ULK4: variants seen among roughly 807,000 people sequenced by gnomAD.
ULK4 encodes the protein inactive serine/threonine-protein kinase ULK4.
In ULK4, 133 loss-of-function variants were observed where a neutral mutation model predicts 160.6. The ratio of observed to expected loss-of-function variants is 0.83; its 90% CI spans 0.72 to 0.96. ULK4 has a LOEUF of 0.96. Among genes scored for constraint, ULK4 ranks in the 40% least tolerant of loss-of-function variants. The pLI is 0.00. For missense variants in ULK4, 1,580 were observed against 1,499.5 expected (o/e 1.05, Z -0.89); for synonymous variants, 534 against 539.8 (o/e 0.99, Z 0.15).
chr3:41,563,052 C>G (rs2125597416), intron 32 of ULK4, among the ~76,000 whole-genome samples: 1 of 152,272 alleles, frequency 6.6e-6, no homozygotes, highest in East Asian at 1.9e-4. Flanking sequence ...GTAAGGCAAG[C>G]CTGGTGGTGA....
intron 18 of ULK4, among the ~76,000 whole-genome samples, chr3:41,821,420 A>T (rs1240133589): frequency 6.6e-6 from 1 of 151,762 alleles, no homozygotes; most frequent in Non-Finnish European, 1.5e-5. Context: ...CACTTCACCT[A>T]CTCTCCTCCT....
intron 33 of ULK4, among the ~76,000 whole-genome samples, chr3:41,458,857 G>T (rs1384833077): frequency 1.3e-5 from 2 of 150,690 alleles, no homozygotes; most frequent in Admixed American, 6.6e-5. Flanking sequence ...CTGGGTTCAA[G>T]CAATTCCCCT....
chr3:41,247,404 T>C (rs558231516), intron 36 of ULK4, among the ~76,000 whole-genome samples: 14 of 152,178 alleles, frequency 9.2e-5, no homozygotes, highest in African/African-American at 3.4e-4. Context: ...AGCCAGGAGC[T>C]TTCTTACTCT....
intron 29 of ULK4, among the ~76,000 whole-genome samples, chr3:41,677,482 C>G (rs868181236): frequency 2.0e-5 from 3 of 151,978 alleles, no homozygotes; most frequent in Non-Finnish European, 4.4e-5. Context: ...CAGGTGCCTG[C>G]CATCACACCC....
At chr3:41,771,561 A>G (rs939624126) in intron 21 of ULK4, among the ~76,000 whole-genome samples, 1 of 152,170 alleles carries the variant, frequency 6.6e-6, no homozygotes, top group Non-Finnish European at 1.5e-5. Context: ...ACAACAAAAA[A>G]TCATGAATAT....
At chr3:41,520,398 T>C (rs1319092087) in intron 32 of ULK4, among the ~76,000 whole-genome samples, 1 of 152,248 alleles carries the variant, frequency 6.6e-6, no homozygotes, top group East Asian at 1.9e-4. Context: ...CTTTAATTCC[T>C]TTTTATGGCT....
intron 32 of ULK4, among the ~76,000 whole-genome samples, chr3:41,525,699 A>T (rs916117444): frequency 3.3e-5 from 5 of 152,202 alleles, no homozygotes. Context: ...GTCATTTTGT[A>T]TCTGTATTTC....
chr3:41,554,562 T>C (rs1409855575), intron 32 of ULK4, among the ~76,000 whole-genome samples: 1 of 152,144 alleles, frequency 6.6e-6, no homozygotes, highest in Non-Finnish European at 1.5e-5. Flanking sequence ...GGGTAAGTGT[T>C]GGTAGGCGGG....
At chr3:41,747,693 T>A (rs2038464736) in intron 22 of ULK4, among the ~76,000 whole-genome samples, 1 of 151,966 alleles carries the variant, frequency 6.6e-6, no homozygotes, top group Non-Finnish European at 1.5e-5. Context: ...GGGCACCTAA[T>A]CCAGCAGCAA....
At chr3:41,745,510 A>T (rs1256430562) in intron 22 of ULK4, among the ~76,000 whole-genome samples, 1 of 151,776 alleles carries the variant, frequency 6.6e-6, no homozygotes, top group East Asian at 1.9e-4. Context: ...TGTAATTTAA[A>T]AGTTCCCGAA....
At position 41,789,643 on chromosome 3, in the gene ULK4, G is replaced by A. The variant is rs776770530; in HGVS notation, c.2193+18C>T. ...AACAATTTTTAATGTAGAGTAACAG[G>A]TAAAATCTAAGTCAAACCTTTTCTT... On this transcript the variant is annotated intron_variant, in intron 21 of 36. Coordinates refer to ENST00000301831, the MANE Select transcript of ULK4 (RefSeq NM_017886.4). 2 of 1,546,564 alleles carry A rather than the reference G, an allele frequency of 1.3e-6. No homozygotes were observed. Among genetic ancestry groups the A allele is most frequent in the Non-Finnish European group, 1.7e-6 (2 of 1,147,210 alleles).
chr3:41,918,343 T>G, intron 7 of ULK4, 114 bp downstream of exon 7: 1 of 629,718 alleles, frequency 1.6e-6, no homozygotes, highest in Non-Finnish European at 2.6e-6. Flanking sequence ...TTGGGATCAT[T>G]TATAAAAGAT....
At chr3:41,474,896 T>C (rs1285128450) in intron 32 of ULK4, among the ~76,000 whole-genome samples, 1 of 151,276 alleles carries the variant, frequency 6.6e-6, no homozygotes, top group Non-Finnish European at 1.5e-5. Context: ...TGGTGAAATG[T>C]AAATTAGTAT....
At chr3:41,930,321 T>G (rs779271788) in intron 5 of ULK4, among the ~76,000 whole-genome samples, 2 of 151,940 alleles carry the variant, frequency 1.3e-5, no homozygotes, top group African/African-American at 2.4e-5. Flanking sequence ...TTCCTTATAC[T>G]CTATACAAAA....
intron 32 of ULK4, among the ~76,000 whole-genome samples, chr3:41,473,474 C>G (rs1035779678): frequency 7.3e-5 from 11 of 151,682 alleles, no homozygotes; most frequent in African/African-American, 2.7e-4. Context: ...CCAGCCTGGC[C>G]AACATGGTGA....
intron 35 of ULK4, among the ~76,000 whole-genome samples, chr3:41,301,157 C>A (rs555221225): frequency 1.1e-4 from 16 of 151,986 alleles, no homozygotes; most frequent in African/African-American, 3.6e-4. Context: ...ATCCACACTG[C>A]CTGCTGCCTT....
At chr3:41,259,022 CTA>C (rs571278847) in intron 35 of ULK4, among the ~76,000 whole-genome samples, 19 of 146,092 alleles carry the variant, frequency 1.3e-4, no homozygotes, top group African/African-American at 3.8e-4. Context: ...ATATACATAT[CTA>C]TGTGTATATA....
chr3:41,416,596 C>T (rs1575532592), intron 34 of ULK4, among the ~76,000 whole-genome samples: 1 of 152,096 alleles, frequency 6.6e-6, no homozygotes, highest in African/African-American at 2.4e-5. Flanking sequence ...ATAGGCAATA[C>T]TTAGTGATAC....
intron 35 of ULK4, among the ~76,000 whole-genome samples, chr3:41,390,722 G>C (rs2081938744): frequency 6.6e-6 from 1 of 152,126 alleles, no homozygotes; most frequent in Non-Finnish European, 1.5e-5. Context: ...TTTCACTGTG[G>C]TCTGAGAGAC....
Sources: allele counts gnomAD v4.1 joint callset (sites outside exome capture counted in the v4.1 genomes callset), GRCh38; gene constraint gnomAD v4.1.1; transcripts MANE v1.5; gene names NCBI Gene and HGNC (gene_info 2026-07-23, HGNC 2026-07-21).